The following SGSH variants were observed in gnomAD, a reference collection of about 807,000 sequenced individuals.
SGSH encodes N-sulfoglucosamine sulfohydrolase.
A neutral mutation model predicts 51.0 loss-of-function variants in SGSH; 48 were observed. The ratio of observed to expected loss-of-function variants is 0.94; its 90% confidence interval spans 0.75 to 1.20. The LOEUF (loss-of-function observed/expected upper bound fraction) is 1.20, where lower values mean the gene tolerates loss of function less well. Among genes scored for constraint, SGSH ranks in the 50% most tolerant of loss-of-function variants. SGSH has a pLI of 0.00. For synonymous variants in SGSH, 321 were observed against 313.4 expected (o/e 1.02, Z -0.26); for missense variants, 662 against 717.8 (o/e 0.92, Z 0.89).
intron 2 of SGSH, among the ~76,000 whole-genome samples, chr17:80,216,081 C>G (rs1323578130): frequency 6.6e-6 from 1 of 152,152 alleles, no homozygotes; most frequent in African/African-American, 2.4e-5. Context: ...GTAATCCCAG[C>G]ACTTTGGGAG....
chr17:80,210,882 G>A lies in SGSH; in HGVS notation c.1079C>T (p.Thr360Ile). Residue 360 changes from threonine (T) to isoleucine (I), a missense_variant, in exon 8 of 8, where the codon ACC (threonine) becomes ATC (isoleucine). Transcript: ENST00000326317. ...PALEAEPLWA[T>I]VFGSQSHHEV... ...GTGGTGGCTCTGGCTGCCAAAGACGGTGGCCCAGAGGGGCTCGGCCTCCAG... is the reference window on the plus strand; with the variant it reads ...GTGGTGGCTCTGGCTGCCAAAGACGATGGCCCAGAGGGGCTCGGCCTCCAG... The A allele has an allele frequency of 6.2e-7, 1 of 1,612,942 alleles. No individual in the cohort carries two copies. Among genetic ancestry groups the A allele is most frequent in the African/African-American group, 1.3e-5 (1 of 75,070 alleles).
At chr17:80,205,246 C>CCCTCCCTCCCTCCTCCCCTT (rs777870319), downstream of SGSH, 8 of 1,485,824 alleles carry the variant, frequency 5.4e-6, no homozygotes, top group East Asian at 1.1e-4. Context: ...CTTCCACCTT[C>CCCTCCCTCCCTCCTCCCCTT]CCTCCCTCCC....
downstream of SGSH, chr17:80,207,794 G>A (rs535176703): frequency 3.4e-5 from 9 of 268,326 alleles, no homozygotes; most frequent in Admixed American, 1.6e-4. Context: ...AACCCCACCC[G>A]GCCTCAGCTC....
Position 80,217,139 on chromosome 17 carries a change from G to T in SGSH, c.142C>A (p.Pro48Thr), listed in dbSNP as rs2041922883. The T allele has an allele frequency of 6.2e-7, 1 of 1,601,266 alleles. No homozygotes were observed. The highest frequency in any genetic ancestry group is 1.1e-5 in the South Asian group (1 of 89,224). Residue 48 changes from proline to threonine, a missense_variant, in exon 2 of 8, where the codon CCG becomes ACG. Pro to Thr is a conservative substitution (Grantham distance 38). Transcript: ENST00000326317. ...CGGCGGGCCAAGGCGTCCAGGTGCG[G>T]GGTGGCGATGGCGCTGTTGTTGTAC... ...GAYNNSAIAT[P>T]HLDALARRSL...
chr17:80,201,710 G>C, the SGSH span: 57 of 1,613,140 alleles, frequency 3.5e-5, no homozygotes, highest in East Asian at 1.0e-3. This position sits in a 1 kb window ranked among gnomAD's most constrained non-coding sequence, Gnocchi z 5.0. Context: ...AGAGTCCCGG[G>C]GGAAAGAGAC....
chr17:80,206,314 A>AAATTAAAAAG (rs2144590563), downstream of SGSH, among the ~76,000 whole-genome samples: 1 of 152,306 alleles, frequency 6.6e-6, no homozygotes, highest in East Asian at 1.9e-4. Flanking sequence ...AAATTAAAAA[A>AAATTAAAAAG]TAAAAAGAGA....
chr17:80,204,647 AGAG>A (rs201890813), downstream of SGSH: 3,710 of 372,314 alleles, frequency 1.0e-2, 38 homozygotes, highest in South Asian at 0.034. Flanking sequence ...AAATTTCAGG[AGAG>A]GAGTACAGGA....
At chr17:80,216,068 C>G (rs980490194) in intron 2 of SGSH, among the ~76,000 whole-genome samples, 1 of 152,144 alleles carries the variant, frequency 6.6e-6, no homozygotes, top group Non-Finnish European at 1.5e-5. Context: ...GTGGCTCACG[C>G]CTGTAATCCC....
chr17:80,211,982 TA>T, intron 7 of SGSH, 88 bp downstream of exon 7: 1 of 1,029,028 alleles, frequency 9.7e-7, no homozygotes, highest in Non-Finnish European at 1.5e-6. Context: ...CCACATTAGG[TA>T]ATGGGTGTGG....
chr17:80,217,925 T>A (rs1170307584), intron 1 of SGSH, among the ~76,000 whole-genome samples: 1 of 151,950 alleles, frequency 6.6e-6, no homozygotes, highest in Non-Finnish European at 1.5e-5. Flanking sequence ...GCTGGACTGA[T>A]AGCTGGTGGG....
chr17:80,205,552 A>G (rs1196800518), downstream of SGSH: 3 of 1,584,964 alleles, frequency 1.9e-6, no homozygotes, highest in Non-Finnish European at 2.6e-6. Context: ...CAGGAGGAGT[A>G]TGAGGCCTGG....
rs373992449 is a variant in SGSH at position 80,210,911 on chromosome 17, C to T, written c.1050G>A (p.Pro350=). 338 of 1,610,420 alleles carry T rather than the reference C, an allele frequency of 2.1e-4. No individual in the cohort carries two copies. The highest frequency in any genetic ancestry group is 5.1e-4 in the African/African-American group (38 of 75,032). ...CCCAGAGGGGCTCGGCCTCCAGCGC[C>T]GGCAGGAGGGACCGGCCAGTGAGGT... ...TIHLTGRSLL[P]ALEAEPLWAT... Residue 350 remains proline (P), a synonymous_variant, in exon 8 of 8, where the codon CCG becomes CCA. Transcript: ENST00000326317.
At chr17:80,214,973 G>A in intron 3 of SGSH, 60 bp downstream of exon 3, 1 of 1,476,604 alleles carries the variant, frequency 6.8e-7, no homozygotes, top group Non-Finnish European at 9.3e-7. Flanking sequence ...CGAACCTCCT[G>A]GGCTCTGGCC....
In SGSH at chr17:80,214,748, G is replaced by A; in HGVS notation, c.373C>T (p.His125Tyr). ...GGGTACACGGTCTCCGGCCCCACGTGCTTCTTCCCGATGATGCCTGGGCGG... is the reference window on the plus strand; with the variant it reads ...GGGTACACGGTCTCCGGCCCCACGTACTTCTTCCCGATGATGCCTGGGCGG... ...GVRTGIIGKK[H>Y]VGPETVYPFD... is the part of the protein sequence containing the mutation. The change falls in exon 4 of 8, where the codon CAC becomes TAC. Residue 125 changes from histidine (H) to tyrosine (Y), a missense_variant. Physicochemically the swap from His to Tyr is moderately conservative, Grantham distance 83. Transcript: ENST00000326317. The A allele has an allele frequency of 6.2e-7, 1 of 1,612,292 alleles. No homozygotes were observed. Among genetic ancestry groups the A allele is most frequent in the Non-Finnish European group, 8.5e-7 (1 of 1,180,012 alleles).
chr17:80,202,397 C>T (rs758642695), downstream of SGSH: 95 of 1,612,628 alleles, frequency 5.9e-5, no homozygotes, highest in South Asian at 4.6e-4. Context: ...CTGCCGCGCA[C>T]GGCACCATCC....
At position 80,210,679 on chromosome 17, in the gene SGSH, G is replaced by A. The variant is rs138267034; in HGVS notation, c.1282C>T (p.Arg428Cys). 3.2e-5 allele frequency: 51 copies of A among 1,613,748 alleles called. No individual in the cohort carries two copies. Among genetic ancestry groups the A allele is most frequent in the Non-Finnish European group, 3.7e-5 (44 of 1,179,842 alleles). ...CAGCGCGCCCGGTAGTAGTAATGACGGAGGTCCTTGTACCAGCCCGTGGGC... is the reference window on the plus strand; with the variant it reads ...CAGCGCGCCCGGTAGTAGTAATGACAGAGGTCCTTGTACCAGCCCGTGGGC... Reference protein sequence around the residue: ...GQPTGWYKDLRHYYYRARWEL... With the variant: ...GQPTGWYKDLCHYYYRARWEL... Residue 428 changes from arginine to cysteine, a missense_variant, in exon 8 of 8, where the codon CGT becomes TGT. Coordinates refer to ENST00000326317, the MANE Select transcript of SGSH (RefSeq NM_000199.5).
chr17:80,210,439 C>T lies in SGSH; in HGVS notation c.*13G>A. The T allele has an allele frequency of 1.9e-6, 3 of 1,585,100 alleles. No individual in the cohort carries two copies. The South Asian group carries it at 3.3e-5, about 18-fold the overall frequency. On this transcript the variant is annotated 3_prime_UTR_variant, in exon 8 of 8. Coordinates refer to ENST00000326317, the MANE Select transcript of SGSH (RefSeq NM_000199.5). ...GACATGCCTGGGATGTGTGCACAGG[C>T]CTCCTGGGATGGTCACAGCTCATTG...
downstream of SGSH, chr17:80,204,342 G>A (rs1425439345): frequency 1.3e-6 from 2 of 1,552,958 alleles, no homozygotes; most frequent in Admixed American, 1.9e-5. Flanking sequence ...AGGATGGAGG[G>A]TGAGGCCTGG....
chr17:80,217,286 G>A, intron 1 of SGSH, 94 bp from the exon 2 acceptor site: 1 of 1,436,500 alleles, frequency 7.0e-7, no homozygotes, highest in Non-Finnish European at 9.5e-7. Context: ...ATGCCAGAAG[G>A]CGAGACACCC....
Sources: allele counts gnomAD v4.1 joint callset (sites outside exome capture counted in the v4.1 genomes callset), GRCh38; gene constraint gnomAD v4.1.1; non-coding constraint Gnocchi (gnomAD v3.1); transcripts MANE v1.5; gene names NCBI Gene and HGNC (gene_info 2026-07-23, HGNC 2026-07-21).